Variants in TRIM9 observed in about 807,000 individuals in gnomAD.
TRIM9 encodes the protein tripartite motif containing 9.
In TRIM9, 26 loss-of-function variants were observed where a neutral mutation model predicts 78.3. The ratio of observed to expected loss-of-function variants is 0.33; its 90% CI spans 0.24 to 0.46. The LOEUF is 0.46. TRIM9 is among the 20% of genes least tolerant of loss of function. TRIM9 has a pLI of 1.00. For missense variants in TRIM9, 787 were observed against 1,036.4 expected (o/e 0.76, Z 3.30); for synonymous variants, 398 against 416.5 (o/e 0.96, Z 0.54).
intron 1 of TRIM9, among the ~76,000 whole-genome samples, chr14:51,081,893 T>C (rs745589753): frequency 6.6e-6 from 1 of 152,184 alleles, no homozygotes; most frequent in Non-Finnish European, 1.5e-5. Context: ...CACCTCCACG[T>C]GTTCTCTAAC....
intron 1 of TRIM9, among the ~76,000 whole-genome samples, chr14:51,036,553 T>C (rs1317027789): frequency 6.6e-6 from 1 of 152,182 alleles, no homozygotes; most frequent in African/African-American, 2.4e-5. Flanking sequence ...CTAAATCATC[T>C]CTAGATTACT....
intron 1 of TRIM9, among the ~76,000 whole-genome samples, chr14:51,069,428 A>G (rs4243569): frequency 0.48 from 73,355 of 151,882 alleles, 18,890 homozygotes; most frequent in African/African-American, 0.65. Context: ...AGAGGCCAGG[A>G]ATACAGTTCA....
intron 1 of TRIM9, among the ~76,000 whole-genome samples, chr14:51,042,671 G>A (rs566832077): frequency 1.3e-5 from 2 of 152,158 alleles, no homozygotes; most frequent in African/African-American, 2.4e-5. Context: ...CATCCCTTAC[G>A]TTGAACATCT....
intron 1 of TRIM9, among the ~76,000 whole-genome samples, chr14:51,055,112 G>A (rs1192689548): frequency 6.6e-6 from 1 of 152,196 alleles, no homozygotes; most frequent in African/African-American, 2.4e-5. Context: ...GTGAGCCACC[G>A]TGCCCGGCCC....
At chr14:51,073,214 T>C (rs1258628362) in intron 1 of TRIM9, among the ~76,000 whole-genome samples, 1 of 152,246 alleles carries the variant, frequency 6.6e-6, no homozygotes, top group African/African-American at 2.4e-5. Flanking sequence ...AGATGTACCA[T>C]GGCACCACCA....
At chr14:50,991,762 G>A (rs1316883360) in intron 7 of TRIM9, among the ~76,000 whole-genome samples, 9 of 152,156 alleles carry the variant, frequency 5.9e-5, no homozygotes. Flanking sequence ...AAGACTCAGA[G>A]GTCCTCAGCT....
intron 1 of TRIM9, among the ~76,000 whole-genome samples, chr14:51,036,423 TG>T: frequency 6.6e-6 from 1 of 152,304 alleles, no homozygotes; most frequent in East Asian, 1.9e-4. Context: ...CTTGAAGCCA[TG>T]GATTTCAGTT....
chr14:51,048,723 G>T (rs1226343451), intron 1 of TRIM9, among the ~76,000 whole-genome samples: 1 of 151,992 alleles, frequency 6.6e-6, no homozygotes, highest in Non-Finnish European at 1.5e-5. Context: ...AGTGGCTCAC[G>T]CCTGTAATCC....
At chr14:50,996,541 A>G in intron 7 of TRIM9, 11 of 985,448 alleles carry the variant, frequency 1.1e-5, no homozygotes, top group Non-Finnish European at 1.3e-5. Context: ...CAACATTGCT[A>G]CAAATTTCTC....
Position 51,094,325 on chromosome 14 carries a change from G to A in TRIM9, c.615C>T (p.Ala205=), listed in dbSNP as rs529871486. The change falls in exon 1 of 13, where the codon GCC becomes GCT. Residue 205 remains alanine (A), a synonymous_variant. Transcript: ENST00000684578. ...LRCHPPRGPL[A]KHRLVPPAQG... ...GGGCCGGGGGCACCAGGCGGTGCTTGGCTAGGGGCCCCCGGGGCGGGTGGC... is the reference window on the plus strand; with the variant it reads ...GGGCCGGGGGCACCAGGCGGTGCTTAGCTAGGGGCCCCCGGGGCGGGTGGC... The A allele has an allele frequency of 2.0e-5, 32 of 1,613,614 alleles. No homozygotes were observed. In the South Asian group the frequency reaches 3.5e-4, roughly 18 times the overall value.
intron 1 of TRIM9, among the ~76,000 whole-genome samples, chr14:51,058,594 A>G (rs2061080986): frequency 6.6e-6 from 1 of 152,192 alleles, no homozygotes; most frequent in African/African-American, 2.4e-5. Context: ...TGAGAAGGCC[A>G]CTGGGGTGGT....
rs772439273 is a variant in TRIM9 at position 51,010,487 on chromosome 14, C to T, written c.1049G>A (p.Arg350Gln). 11 of 1,612,188 alleles carry T rather than the reference C, an allele frequency of 6.8e-6. No homozygotes were observed. In the Admixed American group the frequency reaches 8.3e-5, roughly 12 times the overall value. The change falls in exon 4 of 13, where the codon CGA (arginine) becomes CAA (glutamine). Residue 350 changes from arginine to glutamine, a missense_variant. Around this residue, in one of 3 missense-constraint regions of TRIM9, gnomAD observed 352 missense variants for 472.3 expected, o/e 0.75. Coordinates refer to ENST00000684578, the MANE Select transcript of TRIM9 (RefSeq NM_001387360.1). ...CACTGTGCAGTGAGAGATCTGATCT[C>T]GAACCACCTAGGATTAAAAAAAAAA... is the stretch of plus-strand genomic sequence containing the variant. ...KEHEHKLKVV[R>Q]DQISHCTVKL...
At chr14:51,058,220 C>T (rs996235003) in intron 1 of TRIM9, among the ~76,000 whole-genome samples, 1 of 152,180 alleles carries the variant, frequency 6.6e-6, no homozygotes, top group African/African-American at 2.4e-5. Flanking sequence ...ATGGCACAAT[C>T]ATGGAACTCA....
chr14:51,095,094 C>T lies in TRIM9; in HGVS notation c.-155G>A, dbSNP rs925060189. ...GCACTGGCACGGACACCCAGAGAGG[C>T]GCTAGCTCTGTGAGCCGCAGCCGCG... On this transcript the variant is annotated 5_prime_UTR_variant, in exon 1 of 13. Coordinates refer to ENST00000684578, the MANE Select transcript of TRIM9 (RefSeq NM_001387360.1). The T allele has an allele frequency of 1.6e-5, 8 of 509,110 alleles. No homozygotes were observed. Among genetic ancestry groups the T allele is most frequent in the Non-Finnish European group, 2.2e-5 (7 of 321,822 alleles). 31.5% of individuals were successfully genotyped at this position (509,110 alleles called of 1,614,324 possible).
At chr14:51,053,344 C>A (rs1244272044) in intron 1 of TRIM9, among the ~76,000 whole-genome samples, 6 of 151,516 alleles carry the variant, frequency 4.0e-5, no homozygotes, top group African/African-American at 9.7e-5. Context: ...ATTTATCAAA[C>A]CTTAAGAGTC....
Position 51,021,089 on chromosome 14 carries a change from C to T in TRIM9, c.1041+1746G>A, listed in dbSNP as rs191093965. On this transcript the variant is annotated intron_variant, in intron 3 of 12. Coordinates refer to ENST00000684578, the MANE Select transcript of TRIM9 (RefSeq NM_001387360.1). The stretch of plus-strand genomic sequence containing the variant: ...TTATTTTATACAGTTCTATGTGATT[C>T]GAATGATATTTTGAGGACTGCTATA... 9.9e-5 allele frequency among the ~76,000 whole-genome samples: 15 copies of T among 152,204 alleles called. No individual in the cohort carries two copies. The East Asian group carries it at 2.1e-3, about 22-fold the overall frequency.
At chr14:51,015,810 C>T (rs1328486901) in intron 3 of TRIM9, among the ~76,000 whole-genome samples, 3 of 152,112 alleles carry the variant, frequency 2.0e-5, no homozygotes, top group Non-Finnish European at 4.4e-5. Flanking sequence ...CTGGCCAGTG[C>T]TTTTTCCTAT....
chr14:51,063,465 T>C (rs1272565212), intron 1 of TRIM9, among the ~76,000 whole-genome samples: 3 of 115,884 alleles, frequency 2.6e-5, no homozygotes, highest in Non-Finnish European at 5.6e-5. Context: ...CAAATTTGGT[T>C]AAAAAATTAT....
rs2052842507 is a variant in TRIM9, at chr14:50,987,283, A to G, written c.1604-1139T>C. Among the ~76,000 whole-genome samples the G allele has an allele frequency of 2.0e-5, 3 of 152,180 alleles. No homozygotes were observed. In the South Asian group the frequency reaches 6.2e-4, roughly 32 times the overall value. On this transcript the variant is annotated intron_variant, in intron 7 of 12. Coordinates refer to ENST00000684578, the MANE Select transcript of TRIM9 (RefSeq NM_001387360.1). ...GGACATACACTTCTATCAAAATGTT[A>G]CTCGCATGTTGAAGCAAAAATAACT...
Sources: gnomAD v4.1 joint callset for allele counts (sites outside exome capture counted in the v4.1 genomes callset) on GRCh38, gnomAD v4.1.1 for gene constraint, gnomAD v4.1.1 regional missense constraint, MANE v1.5 for transcripts, NCBI Gene and HGNC (gene_info 2026-07-23, HGNC 2026-07-21) for gene names.